The following CAMTA1 variants were observed in gnomAD, a reference collection of about 807,000 sequenced individuals.
The protein encoded by CAMTA1 is calmodulin binding transcription activator 1.
In CAMTA1, 27 loss-of-function variants were observed where a neutral mutation model predicts 170.9. That is an observed-to-expected ratio of 0.16 (90% CI 0.12 to 0.22). The LOEUF (loss-of-function observed/expected upper bound fraction) is 0.22, where lower values mean the gene tolerates loss of function less well. Ranked by LOEUF, CAMTA1 falls within the 10% of genes least tolerant of loss-of-function variation. CAMTA1 has a pLI of 1.00. For missense variants in CAMTA1, 1,619 were observed against 2,217.2 expected (o/e 0.73, Z 5.42); for synonymous variants, 833 against 891.5 (o/e 0.93, Z 1.17).
intron 5 of CAMTA1, among the ~76,000 whole-genome samples, chr1:7,313,482 A>T (rs1325469499): frequency 6.6e-6 from 1 of 152,134 alleles, no homozygotes; most frequent in African/African-American, 2.4e-5. Flanking sequence ...CTCGTTAGGG[A>T]TCTTCCTGTA....
At chr1:7,149,476 G>A (rs954842524) in intron 4 of CAMTA1, among the ~76,000 whole-genome samples, 2 of 152,198 alleles carry the variant, frequency 1.3e-5, no homozygotes, top group African/African-American at 4.8e-5. Flanking sequence ...TGCCAGCTTC[G>A]GCTCAGGCTG....
intron 3 of CAMTA1, among the ~76,000 whole-genome samples, chr1:6,869,197 G>GA (rs1040371044): frequency 1.3e-4 from 20 of 152,158 alleles, no homozygotes; most frequent in Non-Finnish European, 1.5e-4. Context: ...GAAGAGAGAG[G>GA]AAGATGGATA....
rs60348958 is a variant in CAMTA1 at position 7,744,128 on chromosome 1, CTTTT to C, written c.4183-689_4183-686del. Among the ~76,000 whole-genome samples, 377 of 84,232 alleles carry C rather than the reference CTTTT, an allele frequency of 4.5e-3. 2 individuals are homozygous for C. The highest frequency in any genetic ancestry group is 0.03 in the East Asian group (95 of 3,132). The allele number at this position is 84,232 out of a possible 152,430, so 55.3% of individuals were successfully genotyped here. A position where few individuals can be genotyped will look rare whatever the true frequency, so the allele number is the denominator to read the frequency against. On this transcript the variant is annotated intron_variant, in intron 16 of 22. Transcript: ENST00000303635. ...AGGCGTGAGCCACTGCGCCTGGCCT[CTTTT>C]TTTTTTTTTTTTTTTTTGAGTTGGA...
intron 5 of CAMTA1, among the ~76,000 whole-genome samples, chr1:7,388,757 C>A (rs1425271869): frequency 6.6e-6 from 1 of 152,222 alleles, no homozygotes; most frequent in Non-Finnish European, 1.5e-5. Flanking sequence ...CCCATCTCCA[C>A]TTGGAGTTAC....
chr1:6,839,804 T>A (rs766049169), intron 3 of CAMTA1, among the ~76,000 whole-genome samples: 12 of 151,522 alleles, frequency 7.9e-5, no homozygotes, highest in Non-Finnish European at 1.6e-4. Context: ...TTTGAGGAAA[T>A]GTGAAAAAAA....
chr1:7,170,860 T>C (rs1244379161), intron 4 of CAMTA1, among the ~76,000 whole-genome samples: 1 of 152,228 alleles, frequency 6.6e-6, no homozygotes, highest in African/African-American at 2.4e-5. Flanking sequence ...GACAATATGA[T>C]GCTAGCGGTT....
rs780673433 is a variant in CAMTA1 at position 7,677,693 on chromosome 1, C to T, written c.2874C>T (p.Pro958=). Residue 958 remains proline, a synonymous_variant, in exon 11 of 23, where the codon CCC becomes CCT. Transcript: ENST00000303635. ...TTGAGTACAAAGCCCGGGCTCTGCC[C>T]ACGCTCCCTTCCTCCCAGCACGACT... The part of the protein sequence containing the change: ...VVFEYKARAL[P]TLPSSQHDWL... 2 of 1,614,134 alleles carry T rather than the reference C, an allele frequency of 1.2e-6. No individual in the cohort carries two copies. The highest frequency in any genetic ancestry group is 2.2e-5 in the East Asian group (1 of 44,874).
chr1:7,745,328 A>C (rs1260547041), intron 17 of CAMTA1, among the ~76,000 whole-genome samples: 3 of 152,096 alleles, frequency 2.0e-5, no homozygotes, highest in African/African-American at 7.2e-5. Context: ...GGAGTTTGAG[A>C]CCAGCCTGGC....
At chr1:7,507,162 AAC>A (rs1342020715) in intron 6 of CAMTA1, among the ~76,000 whole-genome samples, 5 of 150,078 alleles carry the variant, frequency 3.3e-5, no homozygotes, top group Admixed American at 2.6e-4. Flanking sequence ...ACACTCACAC[AAC>A]ACACACGCTC....
intron 3 of CAMTA1, among the ~76,000 whole-genome samples, chr1:6,907,384 C>A (rs1048936478): frequency 2.0e-5 from 3 of 152,254 alleles, no homozygotes; most frequent in East Asian, 1.9e-4. Flanking sequence ...TGCCCTCCCC[C>A]CGCTGTCCCG....
intron 21 of CAMTA1, among the ~76,000 whole-genome samples, chr1:7,752,829 T>G (rs2096906914): frequency 6.6e-6 from 1 of 152,212 alleles, no homozygotes. Flanking sequence ...ATTCTAAGTT[T>G]CTCTTTAACC....
chr1:7,124,480 A>G (rs968431169), intron 4 of CAMTA1, among the ~76,000 whole-genome samples: 1 of 152,218 alleles, frequency 6.6e-6, no homozygotes, highest in Non-Finnish European at 1.5e-5. Context: ...CAGGAATGTC[A>G]TGCGCCATGT....
At chr1:7,500,980 G>A (rs1219402354) in intron 6 of CAMTA1, among the ~76,000 whole-genome samples, 5 of 152,132 alleles carry the variant, frequency 3.3e-5, no homozygotes, top group African/African-American at 1.2e-4. Flanking sequence ...GCCATCCCCA[G>A]GGGACTGAGG....
At chr1:7,472,515 G>A (rs914898311) in intron 6 of CAMTA1, among the ~76,000 whole-genome samples, 14 of 152,072 alleles carry the variant, frequency 9.2e-5, no homozygotes, top group Non-Finnish European at 2.1e-4. Flanking sequence ...TCAATAGGGG[G>A]CAACCATCGC....
intron 6 of CAMTA1, among the ~76,000 whole-genome samples, chr1:7,543,863 A>G (rs1209095016): frequency 6.6e-6 from 1 of 152,086 alleles, no homozygotes; most frequent in Non-Finnish European, 1.5e-5. Context: ...TGAACAGGAA[A>G]AGGGTTAAAG....
At chr1:7,459,726 C>T (rs932379468) in intron 5 of CAMTA1, among the ~76,000 whole-genome samples, 1 of 152,208 alleles carries the variant, frequency 6.6e-6, no homozygotes, top group Non-Finnish European at 1.5e-5. Context: ...AAGTCCCTCC[C>T]TGGTGCTGTC....
intron 4 of CAMTA1, among the ~76,000 whole-genome samples, chr1:7,221,736 C>T (rs1381754048): frequency 1.3e-5 from 2 of 152,096 alleles, no homozygotes; most frequent in Non-Finnish European, 2.9e-5. Context: ...ACCGGCTAAG[C>T]TTTGGCTTTC....
At chr1:7,499,176 C>G (rs866591760) in intron 6 of CAMTA1, among the ~76,000 whole-genome samples, 3 of 8,272 alleles carry the variant, frequency 3.6e-4, no homozygotes, top group Non-Finnish European at 6.4e-4. Flanking sequence ...GCATGTGTGT[C>G]CATGAGTGTG....
intron 5 of CAMTA1, among the ~76,000 whole-genome samples, chr1:7,277,733 C>T (rs192341496): frequency 4.6e-5 from 7 of 151,608 alleles, no homozygotes; most frequent in Admixed American, 2.6e-4. Flanking sequence ...CTATGATGTC[C>T]ATCTTTCTGA....
Sources: allele counts gnomAD v4.1 joint callset (sites outside exome capture counted in the v4.1 genomes callset), GRCh38; gene constraint gnomAD v4.1.1; transcripts MANE v1.5; gene names NCBI Gene and HGNC (gene_info 2026-07-23, HGNC 2026-07-21).